The following TOP2A variants were observed in gnomAD, a reference collection of about 807,000 sequenced individuals.
TOP2A encodes the protein DNA topoisomerase 2-alpha.
Under a neutral mutation model 187.2 loss-of-function variants are expected in TOP2A, and 68 were observed. The observed-to-expected ratio is 0.36, with a 90% CI of 0.30 to 0.44. The LOEUF is 0.44. Ranked by LOEUF, TOP2A falls within the 20% of genes least tolerant of loss-of-function variation. TOP2A has a pLI of 1.00. For synonymous variants in TOP2A, 542 were observed against 593.2 expected (o/e 0.91, Z 1.25); for missense variants, 1,196 against 1,808.7 (o/e 0.66, Z 6.14).
intron 3 of TOP2A, 109 bp downstream of exon 3, chr17:40,416,313 G>A (rs2035389614): frequency 1.2e-6 from 1 of 831,164 alleles, no homozygotes; most frequent in Non-Finnish European, 1.9e-6. Context: ...AGCAGGTTTG[G>A]TAGAAATGAT....
chr17:40,400,806 AC>A (rs1216592270), intron 21 of TOP2A, 43 bp downstream of exon 21: 2 of 1,593,020 alleles, frequency 1.3e-6, no homozygotes, highest in Non-Finnish European at 1.7e-6. Context: ...TTCAACTGAA[AC>A]CCAAGGAAAA....
In TOP2A at chr17:40,395,508, T is replaced by C. The variant is rs374750083; in HGVS notation, c.3752A>G (p.Asp1251Gly). Reference protein sequence around the residue: ...NENTEGSPQEDGVELEGLKQR... With the variant: ...NENTEGSPQEGGVELEGLKQR... ...TTTTAGGCCTTCTAGTTCCACACCA[T>C]CTTCTTGAGGGCTTCCTTCAGTATT... Residue 1251 changes from aspartate to glycine, a missense_variant, in exon 29 of 35, where the codon GAT (aspartate) becomes GGT (glycine). By Grantham distance (94) the Asp-to-Gly change is moderately conservative. Coordinates refer to ENST00000423485, the MANE Select transcript of TOP2A (RefSeq NM_001067.4). 6.2e-7 allele frequency: 1 copy of C among 1,612,290 alleles called. No individual in the cohort carries two copies. The highest frequency in any genetic ancestry group is 8.5e-7 in the Non-Finnish European group (1 of 1,178,846).
chr17:40,395,451 G>T lies in TOP2A; in HGVS notation c.3809C>A (p.Pro1270Gln). Reference sequence around the variant, plus strand: ...TTTTTCTAAAAATGTTGTAATACCTGGTTCTCTTTTCTGTTTCTTTTCTAA... The same window carrying T: ...TTTTTCTAAAAATGTTGTAATACCTTGTTCTCTTTTCTGTTTCTTTTCTAA... ...QRLEKKQKRE[P>Q]GTKTKKQTTL... The change falls in exon 29 of 35, where the codon CCA (proline) becomes CAA (glutamine). Residue 1270 changes from proline to glutamine, a missense_variant and splice_region_variant. By Grantham distance (76) the Pro-to-Gln change is moderately conservative (BLOSUM62 -1). Around this residue, in one of 10 missense-constraint regions of TOP2A, gnomAD observed 374 missense variants for 403.3 expected, o/e 0.93. Transcript: ENST00000423485. 6.3e-7 allele frequency: 1 copy of T among 1,597,848 alleles called. No homozygotes were observed.
At chr17:40,391,955 C>A in intron 32 of TOP2A, 113 bp downstream of exon 32, 1 of 1,207,292 alleles carries the variant, frequency 8.3e-7, no homozygotes, top group Non-Finnish European at 1.2e-6. Context: ...TTAATAAGAA[C>A]TCAAATTTAT....
At chr17:40,407,004 C>T in intron 13 of TOP2A, 62 bp from the exon 14 acceptor site, 1 of 1,348,188 alleles carries the variant, frequency 7.4e-7, no homozygotes, top group Non-Finnish European at 1.0e-6. Context: ...TAGCTAACAT[C>T]TGTAATCCCA....
At chr17:40,396,750 AT>A (rs1312346257) in intron 27 of TOP2A, among the ~76,000 whole-genome samples, 3 of 152,204 alleles carry the variant, frequency 2.0e-5, no homozygotes, top group African/African-American at 7.2e-5. Flanking sequence ...ATACATATAT[AT>A]TTGTAAACTC....
At position 40,406,836 on chromosome 17, in the gene TOP2A, A is replaced by G. The variant is rs748942990; in HGVS notation, c.1733T>C (p.Val578Ala). The G allele has an allele frequency of 1.2e-6, 2 of 1,603,672 alleles. No individual in the cohort carries two copies. Among genetic ancestry groups the G allele is most frequent in the Admixed American group, 3.4e-5 (2 of 58,204 alleles). Residue 578 changes from valine (V) to alanine (A), a missense_variant, in exon 14 of 35, where the codon GTA becomes GCA. This residue lies in a region of TOP2A where 209 missense variants were observed against 376.9 expected (regional missense o/e 0.55). Coordinates refer to ENST00000423485, the MANE Select transcript of TOP2A (RefSeq NM_001067.4). ...RFLEEFITPI[V>A]KVSKNKQEMA... Reference sequence around the variant, plus strand: ...GGTACTTAGAAATTAGCGTACCTTTACAATGGGAGTGATAAATTCCTCCAG... The same window carrying G: ...GGTACTTAGAAATTAGCGTACCTTTGCAATGGGAGTGATAAATTCCTCCAG...
At chr17:40,391,765 A>T in intron 32 of TOP2A, 125 bp from the exon 33 acceptor site, 1 of 1,081,614 alleles carries the variant, frequency 9.2e-7, no homozygotes, top group Non-Finnish European at 1.3e-6. Context: ...GAATATTTAA[A>T]ACATACTCTT....
At chr17:40,404,100 C>G in intron 19 of TOP2A, 52 bp downstream of exon 19, 1 of 1,599,770 alleles carries the variant, frequency 6.3e-7, no homozygotes. Context: ...GAGAATGACT[C>G]TGCAGGGATT....
rs945189384 is a variant in TOP2A at position 40,389,135 on chromosome 17, A to G, written c.*384T>C. The stretch of plus-strand genomic sequence containing the variant: ...TATCTCATATCTACTGAAAGTAGAA[A>G]AGGAGGAAGAGTGACACTTTTAAAT... On this transcript the variant is annotated 3_prime_UTR_variant, in exon 35 of 35. Coordinates refer to ENST00000423485, the MANE Select transcript of TOP2A (RefSeq NM_001067.4). The G allele has an allele frequency of 8.6e-6, 2 of 232,264 alleles. No homozygotes were observed. The highest frequency in any genetic ancestry group is 1.7e-5 in the Non-Finnish European group (2 of 116,656). The allele number at this position is 232,264 out of a possible 1,614,324, so 14.4% of individuals were successfully genotyped here. A position where few individuals can be genotyped will look rare whatever the true frequency, so the allele number is the denominator to read the frequency against.
chr17:40,398,060 G>C (rs1452668772), intron 27 of TOP2A, among the ~76,000 whole-genome samples: 1 of 150,690 alleles, frequency 6.6e-6, no homozygotes, highest in Admixed American at 6.6e-5. Context: ...TTGTAGGTGT[G>C]AGCCACCGCA....
At chr17:40,400,155 T>C in intron 23 of TOP2A, 54 bp downstream of exon 23, 1 of 1,588,734 alleles carries the variant, frequency 6.3e-7, no homozygotes, top group Non-Finnish European at 8.6e-7. Context: ...TTAAAATTGA[T>C]ATTAATCTTT....
At chr17:40,417,747 G>C (rs1460440346) in intron 1 of TOP2A, 24 bp downstream of exon 1, 1 of 1,612,216 alleles carries the variant, frequency 6.2e-7, no homozygotes, top group South Asian at 1.1e-5. Flanking sequence ...AGGCTCCACC[G>C]CCAGTCCCCC....
At chr17:40,401,546 C>T (rs896242098) in intron 20 of TOP2A, among the ~76,000 whole-genome samples, 4 of 151,936 alleles carry the variant, frequency 2.6e-5, no homozygotes, top group Non-Finnish European at 4.4e-5. Flanking sequence ...CTCATCTCTA[C>T]TAAAAATATA....
chr17:40,412,785 CTT>C lies in TOP2A; in HGVS notation c.761_762del (p.Lys254SerfsTer4). On this transcript the variant is annotated frameshift_variant, in exon 7 of 35. Transcript: ENST00000423485. LOFTEE classifies it high-confidence loss of function. ...YDIAGSTKDV[K>X]VFLNGNKLPV... ...GGCAGTTTATTTCCATTAAGAAAGA[CTT>C]TGACATCTTTGGTGGATCCAGCAAT... The C allele has an allele frequency of 6.2e-7, 1 of 1,613,838 alleles. No individual in the cohort carries two copies. The highest frequency in any genetic ancestry group is 8.5e-7 in the Non-Finnish European group (1 of 1,179,782).
chr17:40,402,928 G>A lies in TOP2A; in HGVS notation c.2410C>T (p.Arg804Ter), dbSNP rs1479268364. 1 of 1,608,816 alleles carries A rather than the reference G, an allele frequency of 6.2e-7. No homozygotes were observed. Among genetic ancestry groups the A allele is most frequent in the Non-Finnish European group, 8.5e-7 (1 of 1,177,426 alleles). ...LHGGKDSASPRYIFTMLSSLA... is the reference protein window; with the variant it reads ...LHGGKDSASP Reference sequence around the variant, plus strand: ...TACCTGAGCATTGTAAAGATGTATCGTGGACTAGCAGAATCCTTGCCACCA... The same window carrying A: ...TACCTGAGCATTGTAAAGATGTATCATGGACTAGCAGAATCCTTGCCACCA... The change falls in exon 20 of 35, where the codon CGA becomes TGA. Residue 804 changes from arginine to a stop codon, truncating the protein, a stop_gained. Transcript: ENST00000423485. LOFTEE classifies it high-confidence loss of function.
chr17:40,400,255 A>G lies in TOP2A; in HGVS notation c.2954T>C (p.Leu985Pro). The G allele has an allele frequency of 6.2e-7, 1 of 1,613,930 alleles. No individual in the cohort carries two copies. Among genetic ancestry groups the G allele is most frequent in the Non-Finnish European group, 8.5e-7 (1 of 1,179,870 alleles). Residue 985 changes from leucine (L) to proline (P), a missense_variant, in exon 23 of 35, where the codon CTA becomes CCA. By Grantham distance (98) the Leu-to-Pro change is moderately conservative. Coordinates refer to ENST00000423485, the MANE Select transcript of TOP2A (RefSeq NM_001067.4). ...AGTTTGGAGTTTGAAGACTTTGTGT[A>G]GTCCAACTCTCTCTGCCTCTGCCAG... ...EKLAEAERVG[L>P]HKVFKLQTSL...
intron 33 of TOP2A, among the ~76,000 whole-genome samples, chr17:40,390,444 C>G (rs1224033311): frequency 6.6e-6 from 1 of 152,066 alleles, no homozygotes; most frequent in Non-Finnish European, 1.5e-5. Context: ...CTCGCCTCGG[C>G]CTCCCAAAGT....
In TOP2A at chr17:40,392,128, A is replaced by C. The variant is rs748589636; in HGVS notation, c.4089-17T>G. ...TTACTAAGTCTAGAATTAAAAAAAA[A>C]AATCCTGACAACCAATTCTAAATGT... On this transcript the variant is annotated splice_polypyrimidine_tract_variant and intron_variant, in intron 31 of 34. Coordinates refer to ENST00000423485, the MANE Select transcript of TOP2A (RefSeq NM_001067.4). The C allele has an allele frequency of 2.5e-6, 4 of 1,610,776 alleles. No individual in the cohort carries two copies. In the African/African-American group the frequency reaches 5.3e-5, roughly 22 times the overall value.
Sources: gnomAD v4.1 joint callset for allele counts (sites outside exome capture counted in the v4.1 genomes callset) on GRCh38, gnomAD v4.1.1 for gene constraint, gnomAD v4.1.1 regional missense constraint, MANE v1.5 for transcripts, NCBI Gene and HGNC (gene_info 2026-07-23, HGNC 2026-07-21) for gene names.